The following NUP188 variants were observed in gnomAD, a reference collection of about 807,000 sequenced individuals.
NUP188 encodes the protein nucleoporin NUP188.
A neutral mutation model predicts 223.0 loss-of-function variants in NUP188; 97 were observed. The observed-to-expected ratio is 0.43, with a 90% CI of 0.37 to 0.51. The LOEUF is 0.51. Among genes scored for constraint, NUP188 ranks in the 20% least tolerant of loss-of-function variants. The probability of loss-of-function intolerance (pLI) is 0.00; values close to 1 mark genes in which losing one functional copy is unlikely to be tolerated. For synonymous variants in NUP188, 869 were observed against 828.0 expected, an observed-to-expected ratio of 1.05 and a Z score of -0.85; for missense variants, 1,947 against 2,175.6, an observed-to-expected ratio of 0.89 and a Z score of 2.09.
At position 128,984,857 on chromosome 9, in the gene NUP188, G is replaced by A. The variant is rs539449622; in HGVS notation, c.1962-43G>A. 212 of 1,382,874 alleles carry A rather than the reference G, an allele frequency of 1.5e-4. 4 individuals carry two copies. In the South Asian group the frequency reaches 2.5e-3, roughly 16 times the overall value. The allele number at this position is 1,382,874 out of a possible 1,614,324, so 85.7% of individuals were successfully genotyped here. A position where few individuals can be genotyped will look rare whatever the true frequency, so the allele number is the denominator to read the frequency against. On this transcript the variant is annotated intron_variant, in intron 19 of 43. Coordinates refer to ENST00000372577, the MANE Select transcript of NUP188 (RefSeq NM_015354.3). ...TCTATGATTAGTTTCTTGAAACCTT[G>A]AAATTTCCCTATCATTTTTTTTCCC...
Position 128,981,310 on chromosome 9 carries a change from A to C in NUP188, c.1436A>C (p.Lys479Thr), listed in dbSNP as rs1376628773. 1 of 1,614,088 alleles carries C rather than the reference A, an allele frequency of 6.2e-7. No homozygotes were observed. Among genetic ancestry groups the C allele is most frequent in the South Asian group, 1.1e-5 (1 of 91,084 alleles). Residue 479 changes from lysine (K) to threonine (T), a missense_variant, in exon 15 of 44, where the codon AAA becomes ACA. Lys to Thr is a moderately conservative substitution (Grantham distance 78, BLOSUM62 -1). Coordinates refer to ENST00000372577, the MANE Select transcript of NUP188 (RefSeq NM_015354.3). ...ATGTCTTTCTACAATGAACTTTATAAACACAAGCCTCATGATGTGATCTCC... is the reference window on the plus strand; with the variant it reads ...ATGTCTTTCTACAATGAACTTTATACACACAAGCCTCATGATGTGATCTCC... ...DKMSFYNELY[K>T]HKPHDVISHE...
intron 8 of NUP188, among the ~76,000 whole-genome samples, chr9:128,962,701 C>T (rs1175123263): frequency 6.6e-6 from 1 of 152,138 alleles, no homozygotes; most frequent in East Asian, 1.9e-4. Flanking sequence ...CGGCTGGGCT[C>T]AAGCAGTCCT....
At chr9:128,996,487 G>T (rs891101999) in intron 30 of NUP188, among the ~76,000 whole-genome samples, 6 of 152,124 alleles carry the variant, frequency 3.9e-5, no homozygotes, top group African/African-American at 1.4e-4. Flanking sequence ...ACTTCAGCTT[G>T]ATAGATGCCT....
intron 12 of NUP188, among the ~76,000 whole-genome samples, chr9:128,974,386 G>GTT (rs1030115637): frequency 7.7e-6 from 1 of 130,546 alleles, no homozygotes; most frequent in Non-Finnish European, 1.6e-5. Context: ...GCAGCAGGTT[G>GTT]TTGTTTTTTT....
chr9:128,987,080 AGAGAGAGAGTGTGTGT>A (rs1326628015), intron 22 of NUP188, among the ~76,000 whole-genome samples: 96 of 132,394 alleles, frequency 7.3e-4, no homozygotes, highest in African/African-American at 2.7e-3. Context: ...AGAGAGAGAG[AGAGAGAGAGTGTGTGT>A]GTGTGTGTGT....
chr9:128,957,807 A>T (rs754307891), intron 5 of NUP188, among the ~76,000 whole-genome samples: 1 of 152,180 alleles, frequency 6.6e-6, no homozygotes, highest in East Asian at 1.9e-4. Flanking sequence ...CTCATTTTAC[A>T]TAAGAGGATT....
At chr9:128,949,113 C>T (rs778990106) in intron 1 of NUP188, 76 bp from the exon 2 acceptor site, 1 of 1,083,670 alleles carries the variant, frequency 9.2e-7, no homozygotes, top group Admixed American at 2.2e-5. Context: ...AGAGAGCAGA[C>T]AAAATGGCTA....
At chr9:128,957,178 TA>T (rs1182074792) in intron 5 of NUP188, 146 bp downstream of exon 5, 14 of 536,880 alleles carry the variant, frequency 2.6e-5, no homozygotes, top group South Asian at 1.9e-4. Context: ...CTAAAGGCTT[TA>T]AAAAAAACAT....
Position 128,993,324 on chromosome 9 carries a change from C to T in NUP188, c.2768C>T (p.Thr923Ile), listed in dbSNP as rs1191762266. 1.9e-6 allele frequency: 3 copies of T among 1,614,200 alleles called. No homozygotes were observed. Among genetic ancestry groups the T allele is most frequent in the Middle Eastern group, 1.6e-4 (1 of 6,062 alleles). The change falls in exon 26 of 44, where the codon ACT becomes ATT. Residue 923 changes from threonine to isoleucine, a missense_variant. Physicochemically the swap from Thr to Ile is moderately conservative, Grantham distance 89. Around this residue, in one of 3 missense-constraint regions of NUP188, gnomAD observed 225 missense variants for 319.1 expected, o/e 0.71. Transcript: ENST00000372577. ...AAAGTCATGATTCTAGAGTTCCTCA[C>T]TGTTGCAGTAGAGACCCAGCCAGGC... ...RIKVMILEFL[T>I]VAVETQPGLI...
At chr9:128,972,646 A>G (rs1413914591) in intron 11 of NUP188, among the ~76,000 whole-genome samples, 1 of 152,210 alleles carries the variant, frequency 6.6e-6, no homozygotes, top group Admixed American at 6.5e-5. Flanking sequence ...AGTTGTAACA[A>G]TTGTACTGTT....
chr9:128,954,976 G>A (rs1026111228), intron 3 of NUP188, among the ~76,000 whole-genome samples: 1 of 151,386 alleles, frequency 6.6e-6, no homozygotes, highest in African/African-American at 2.4e-5. Context: ...TCAGCCTCCC[G>A]AGTAGCTGGG....
chr9:128,991,310 C>T (rs925279474), intron 25 of NUP188, among the ~76,000 whole-genome samples: 1 of 151,750 alleles, frequency 6.6e-6, no homozygotes, highest in Non-Finnish European at 1.5e-5. Context: ...GAGGCTGAAG[C>T]AGGTGGATCA....
intron 3 of NUP188, among the ~76,000 whole-genome samples, chr9:128,953,105 C>T (rs1043562227): frequency 6.6e-5 from 10 of 152,062 alleles, no homozygotes; most frequent in East Asian, 1.9e-4. Flanking sequence ...AAACATTCAA[C>T]GAATTTTCTA....
At chr9:128,968,000 G>C (rs929546408) in intron 8 of NUP188, among the ~76,000 whole-genome samples, 5 of 152,094 alleles carry the variant, frequency 3.3e-5, no homozygotes, top group Non-Finnish European at 7.4e-5. Flanking sequence ...AGTGGCTTAC[G>C]CCTTTAATCC....
intron 24 of NUP188, 99 bp downstream of exon 24, chr9:128,988,285 A>G: frequency 1.5e-6 from 2 of 1,339,856 alleles, no homozygotes; most frequent in Admixed American, 4.1e-5. Flanking sequence ...GGATGTCAAC[A>G]GTATTTTCTG....
intron 13 of NUP188, among the ~76,000 whole-genome samples, chr9:128,980,265 C>T (rs188450167): frequency 8.5e-5 from 13 of 152,254 alleles, no homozygotes; most frequent in African/African-American, 3.1e-4. Flanking sequence ...GAGTGAGGAT[C>T]TGTGGTTGCT....
At chr9:128,994,830 A>G (rs1194394906) in intron 28 of NUP188, 26 bp from the exon 29 acceptor site, 2 of 1,592,846 alleles carry the variant, frequency 1.3e-6, no homozygotes, top group East Asian at 2.2e-5. Context: ...GAGATGTGAT[A>G]ATTGCCTGTT....
At chr9:128,958,471 C>T (rs931407734) in intron 6 of NUP188, among the ~76,000 whole-genome samples, 21 of 152,124 alleles carry the variant, frequency 1.4e-4, no homozygotes, top group Non-Finnish European at 7.3e-5. Context: ...CAATTAGGAC[C>T]TATATCAGTG....
At chr9:128,981,237 G>C (rs754963671) in intron 14 of NUP188, 27 bp from the exon 15 acceptor site, 1 of 1,609,614 alleles carries the variant, frequency 6.2e-7, no homozygotes, top group East Asian at 2.2e-5. Context: ...GGAGGGAAAT[G>C]TGTGATGGTT....
Sources: allele counts gnomAD v4.1 joint callset (sites outside exome capture counted in the v4.1 genomes callset), GRCh38; gene constraint gnomAD v4.1.1; regional missense constraint gnomAD v4.1.1; transcripts MANE v1.5; gene names NCBI Gene and HGNC (gene_info 2026-07-23, HGNC 2026-07-21).